The following HINT3 variants were observed in gnomAD, a reference collection of about 807,000 sequenced individuals.
HINT3 encodes the protein adenosine 5'-monophosphoramidase HINT3.
HINT3 carries 16 observed loss-of-function variants against 19.1 expected under a neutral mutation model. The ratio of observed to expected loss-of-function variants is 0.84; its 90% CI spans 0.57 to 1.27. HINT3 has a LOEUF of 1.27. Among genes scored for constraint, HINT3 ranks in the 50% most tolerant of loss-of-function variants. The pLI, the probability that HINT3 is intolerant of heterozygous loss-of-function variation, is 0.00. For synonymous variants in HINT3, 75 were observed against 84.8 expected, an observed-to-expected ratio of 0.88 and a Z score of 0.63; for missense variants, 197 against 225.8, an observed-to-expected ratio of 0.87 and a Z score of 0.82.
intron 1 of HINT3, among the ~76,000 whole-genome samples, chr6:125,960,735 A>G (rs1277647889): frequency 2.0e-5 from 3 of 147,626 alleles, no homozygotes; most frequent in Non-Finnish European, 4.4e-5. Context: ...GAATAGGAGA[A>G]GGAAGTAAAG....
chr6:125,979,034 G>A lies in HINT3; in HGVS notation c.*1358G>A, dbSNP rs1789213238. On this transcript the variant is annotated 3_prime_UTR_variant, in exon 5 of 5. Coordinates refer to ENST00000229633, the MANE Select transcript of HINT3 (RefSeq NM_138571.5). ...CCTGATGCCTTCACAGCCAGAAGAGGCTGTGAAGGGATAAACACTTCTGAG... is the reference window on the plus strand; with the variant it reads ...CCTGATGCCTTCACAGCCAGAAGAGACTGTGAAGGGATAAACACTTCTGAG... 6.6e-6 allele frequency: 1 copy of A among 152,176 alleles called. No homozygotes were observed. The highest frequency in any genetic ancestry group is 2.1e-4 in the South Asian group (1 of 4,834). The allele number at this position is 152,176 out of a possible 1,614,324, so 9.4% of individuals were successfully genotyped here.
At chr6:125,975,737 C>T (rs1789170949) in intron 4 of HINT3, among the ~76,000 whole-genome samples, 1 of 151,956 alleles carries the variant, frequency 6.6e-6, no homozygotes, top group Non-Finnish European at 1.5e-5. Context: ...GCCACCATGC[C>T]CAGCTAATTT....
At chr6:125,958,041 C>G (rs373013862) in intron 1 of HINT3, among the ~76,000 whole-genome samples, 2 of 152,070 alleles carry the variant, frequency 1.3e-5, no homozygotes, top group Non-Finnish European at 1.5e-5. Flanking sequence ...TACAATGCCT[C>G]GTGCTGTGGT....
At chr6:125,963,960 G>A (rs1013562883) in intron 1 of HINT3, among the ~76,000 whole-genome samples, 7 of 152,210 alleles carry the variant, frequency 4.6e-5, no homozygotes, top group African/African-American at 1.7e-4. Flanking sequence ...AAGGGGTAGA[G>A]AAGGGTGTAT....
rs1478252286 is a variant in HINT3 at position 125,962,165 on chromosome 6, T to C, written c.202-4722T>C. 5.0e-3 allele frequency among the ~76,000 whole-genome samples: 53 copies of C among 10,606 alleles called. 2 individuals are homozygous for C. Among genetic ancestry groups the C allele is most frequent in the African/African-American group, 3.5e-3 (5 of 1,442 alleles). 7.0% of individuals were successfully genotyped at this position (10,606 alleles called of 152,430 possible). On this transcript the variant is annotated intron_variant, in intron 1 of 4. Coordinates refer to ENST00000229633, the MANE Select transcript of HINT3 (RefSeq NM_138571.5). Reference sequence around the variant, plus strand: ...ATGGAAACCCATATATATATACACATATATATATATATATATATATACACA... The same window carrying C: ...ATGGAAACCCATATATATATACACACATATATATATATATATATATACACA...
At chr6:125,964,737 T>TACACAC (rs3083382) in intron 1 of HINT3, among the ~76,000 whole-genome samples, 117 of 148,550 alleles carry the variant, frequency 7.9e-4, no homozygotes, top group Admixed American at 2.0e-3. Flanking sequence ...AATAGTTTTA[T>TACACAC]ACACACACAC....
intron 2 of HINT3, among the ~76,000 whole-genome samples, chr6:125,969,396 T>C (rs2206940): frequency 0.7 from 107,101 of 152,076 alleles, 38,148 homozygotes; most frequent in East Asian, 0.95. Context: ...CATGCTGTTT[T>C]GGTTATATAG....
chr6:125,957,170 C>A lies in HINT3; in HGVS notation c.193C>A (p.His65Asn). ...GCAGGACCCGGGCACCGAACTCCTG[C>A]ACTGCGAGGTGGGCGGCGACGCGCG... ...GRQDPGTELL[H>N]CENEDLICFK... The change falls in exon 1 of 5, where the codon CAC becomes AAC. Residue 65 changes from histidine to asparagine, a missense_variant. Coordinates refer to ENST00000229633, the MANE Select transcript of HINT3 (RefSeq NM_138571.5). 1 of 1,544,918 alleles carries A rather than the reference C, an allele frequency of 6.5e-7. No individual in the cohort carries two copies. Among genetic ancestry groups the A allele is most frequent in the Non-Finnish European group, 8.7e-7 (1 of 1,143,128 alleles).
intron 3 of HINT3, among the ~76,000 whole-genome samples, chr6:125,974,431 T>C (rs1260626439): frequency 6.6e-6 from 1 of 152,190 alleles, no homozygotes; most frequent in East Asian, 1.9e-4. Flanking sequence ...AAGGAAAAAG[T>C]GTGCCATCTA....
At chr6:125,972,213 C>A in intron 2 of HINT3, 46 bp from the exon 3 acceptor site, 1 of 1,269,230 alleles carries the variant, frequency 7.9e-7, no homozygotes, top group South Asian at 1.3e-5. Context: ...AATTTGTGAC[C>A]TTAATGTCTC....
rs1206392125 is a variant in HINT3, at chr6:125,980,199, A to G, written c.*2523A>G. ...GTGGAACTGTTTAATGAGCTATTTC[A>G]AACTGCTAGAAGAAAATGAAATAAA... On this transcript the variant is annotated 3_prime_UTR_variant, in exon 5 of 5. Transcript: ENST00000229633. 2.0e-5 allele frequency: 3 copies of G among 152,230 alleles called. No individual in the cohort carries two copies. In the East Asian group the frequency reaches 5.8e-4, roughly 29 times the overall value. 9.4% of individuals were successfully genotyped at this position (152,230 alleles called of 1,614,324 possible).
intron 1 of HINT3, among the ~76,000 whole-genome samples, chr6:125,957,529 C>T (rs1411169254): frequency 6.6e-6 from 1 of 152,170 alleles, no homozygotes; most frequent in Non-Finnish European, 1.5e-5. Context: ...CATTTTGTGG[C>T]CTCTGCTTTT....
chr6:125,963,747 T>C (rs1788978282), intron 1 of HINT3, among the ~76,000 whole-genome samples: 1 of 152,044 alleles, frequency 6.6e-6, no homozygotes, highest in South Asian at 2.1e-4. Flanking sequence ...TAAAACATCA[T>C]GGGAGGGGGC....
intron 2 of HINT3, among the ~76,000 whole-genome samples, chr6:125,971,913 A>G (rs1789106770): frequency 6.6e-6 from 1 of 151,844 alleles, no homozygotes; most frequent in Non-Finnish European, 1.5e-5. Flanking sequence ...GGGTTTCACC[A>G]TGTTGGCCAG....
Position 125,957,000 on chromosome 6 carries a change from G to C in HINT3, c.23G>C (p.Arg8Pro), listed in dbSNP as rs571982659. 4.2e-4 allele frequency: 644 copies of C among 1,550,258 alleles called. 13 individuals are homozygous for C. In the South Asian group the frequency reaches 7.1e-3, roughly 17 times the overall value. MAEEQVN[R>P]SAGLAPDCEA... ...GCAATGGCGGAGGAACAGGTGAACC[G>C]CAGCGCCGGCCTGGCCCCCGACTGT... Residue 8 changes from arginine (R) to proline (P), a missense_variant, in exon 1 of 5, where the codon CGC becomes CCC. Physicochemically the swap from Arg to Pro is moderately radical, Grantham distance 103. Transcript: ENST00000229633.
rs1387769768 is a variant in HINT3 at position 125,957,637 on chromosome 6, A to G, written c.201+459A>G. Among the ~76,000 whole-genome samples the G allele has an allele frequency of 2.0e-5, 3 of 152,350 alleles. No homozygotes were observed. The East Asian group carries it at 5.8e-4, about 29-fold the overall frequency. ...GAAAACTAGTAGAAAATAGGTAATG[A>G]TAATTGTGGAAAGCTGTTTGTTAGA... On this transcript the variant is annotated intron_variant, in intron 1 of 4. Transcript: ENST00000229633.
chr6:125,978,765 G>A lies in HINT3; in HGVS notation c.*1089G>A, dbSNP rs1789209934. 1 of 152,138 alleles carries A rather than the reference G, an allele frequency of 6.6e-6. No homozygotes were observed. The highest frequency in any genetic ancestry group is 1.5e-5 in the Non-Finnish European group (1 of 67,994). The allele number at this position is 152,138 out of a possible 1,614,324, so 9.4% of individuals were successfully genotyped here. A position where few individuals can be genotyped will look rare whatever the true frequency, so the allele number is the denominator to read the frequency against. On this transcript the variant is annotated 3_prime_UTR_variant, in exon 5 of 5. Transcript: ENST00000229633. Reference sequence around the variant, plus strand: ...AGATACTAGTTTTCTTTCTTTTTTAGAGGGGGCATGATATTAAAGATAGTT... The same window carrying A: ...AGATACTAGTTTTCTTTCTTTTTTAAAGGGGGCATGATATTAAAGATAGTT...
chr6:125,974,036 T>G (rs1308438138), intron 3 of HINT3, among the ~76,000 whole-genome samples: 1 of 152,204 alleles, frequency 6.6e-6, no homozygotes, highest in Admixed American at 6.5e-5. Context: ...TGACTCCACA[T>G]TGCTAGTCCC....
At chr6:125,970,153 T>C in intron 2 of HINT3, among the ~76,000 whole-genome samples, 1 of 152,128 alleles carries the variant, frequency 6.6e-6, no homozygotes, top group East Asian at 1.9e-4. Context: ...AGTTCATTAA[T>C]ATTTAGGCTA....
Sources: allele counts gnomAD v4.1 joint callset (sites outside exome capture counted in the v4.1 genomes callset), GRCh38; gene constraint gnomAD v4.1.1; transcripts MANE v1.5; gene names NCBI Gene and HGNC (gene_info 2026-07-23, HGNC 2026-07-21).